TSTD2: variants seen among roughly 807,000 people sequenced by gnomAD.
The protein encoded by TSTD2 is thiosulfate sulfurtransferase/rhodanese-like domain-containing protein 2.
In TSTD2, 37 loss-of-function variants were observed where a neutral mutation model predicts 47.9. The observed-to-expected ratio is 0.77, with a 90% CI of 0.59 to 1.02. The LOEUF (loss-of-function observed/expected upper bound fraction) is 1.02, where lower values mean the gene tolerates loss of function less well. TSTD2 is among the 50% of genes least tolerant of loss of function. The pLI is 0.00. For missense variants in TSTD2, 586 were observed against 616.0 expected (o/e 0.95, Z 0.52); for synonymous variants, 201 against 215.9 (o/e 0.93, Z 0.61).
rs776935255 is a variant in TSTD2, at chr9:97,627,354, T to G, written c.165+44A>C. ...TAACCGACTTCCAAATGTATCTGCG[T>G]TAACCACACATACATGATCATGAAA... is the stretch of plus-strand genomic sequence containing the variant. On this transcript the variant is annotated intron_variant, in intron 2 of 9. Coordinates refer to ENST00000341170, the MANE Select transcript of TSTD2 (RefSeq NM_139246.5). The G allele has an allele frequency of 5.9e-6, 9 of 1,537,630 alleles. No homozygotes were observed. In the South Asian group the frequency reaches 1.1e-4, roughly 19 times the overall value.
intron 7 of TSTD2, 109 bp from the exon 8 acceptor site, chr9:97,605,750 G>C: frequency 7.2e-7 from 1 of 1,383,862 alleles, no homozygotes; most frequent in Non-Finnish European, 9.8e-7. Flanking sequence ...GCCCCTGCCA[G>C]TTGCTAATCT....
chr9:97,629,101 A>C (rs1163560865), intron 1 of TSTD2, among the ~76,000 whole-genome samples: 1 of 152,228 alleles, frequency 6.6e-6, no homozygotes, highest in African/African-American at 2.4e-5. Flanking sequence ...TGAAAATAGT[A>C]ACATGCAAAG....
At position 97,602,769 on chromosome 9, in the gene TSTD2, T is replaced by C. The variant is rs1277191347; in HGVS notation, c.1253-2A>G. On this transcript the variant is annotated splice_acceptor_variant, in intron 9 of 9. Coordinates refer to ENST00000341170, the MANE Select transcript of TSTD2 (RefSeq NM_139246.5). LOFTEE classifies it high-confidence loss of function. The stretch of plus-strand genomic sequence containing the variant: ...AGCGGGCTCCACAGTATGAACACTC[T>C]GGGGAGGAAGGAAAAGCCATCATTA... The C allele has an allele frequency of 1.3e-6, 2 of 1,598,282 alleles. No homozygotes were observed. The highest frequency in any genetic ancestry group is 2.2e-5 in the East Asian group (1 of 44,576).
chr9:97,616,731 G>A (rs186987321), intron 4 of TSTD2, among the ~76,000 whole-genome samples: 1 of 152,200 alleles, frequency 6.6e-6, no homozygotes, highest in East Asian at 1.9e-4. Flanking sequence ...TAACCAGAGG[G>A]GGTTTTGGGG....
chr9:97,606,513 A>G (rs1280257731), intron 6 of TSTD2, among the ~76,000 whole-genome samples: 2 of 152,214 alleles, frequency 1.3e-5, no homozygotes, highest in Non-Finnish European at 2.9e-5. Flanking sequence ...TAGTTTAGAA[A>G]TAACTAGTCA....
At chr9:97,604,960 A>G in intron 8 of TSTD2, 95 bp from the exon 9 acceptor site, 1 of 1,531,230 alleles carries the variant, frequency 6.5e-7, no homozygotes, top group Non-Finnish European at 8.7e-7. Context: ...GTGCTGACGT[A>G]GAGGACTCAT....
intron 3 of TSTD2, among the ~76,000 whole-genome samples, chr9:97,618,770 C>A (rs1224311375): frequency 6.6e-6 from 1 of 152,198 alleles, no homozygotes; most frequent in Non-Finnish European, 1.5e-5. Flanking sequence ...AAGGTCCTAT[C>A]CAGCTCTGGA....
At chr9:97,609,388 G>A (rs920911702) in intron 6 of TSTD2, among the ~76,000 whole-genome samples, 1 of 152,052 alleles carries the variant, frequency 6.6e-6, no homozygotes, top group African/African-American at 2.4e-5. Context: ...TCCAGATTAT[G>A]GGAAACTCTA....
intron 3 of TSTD2, among the ~76,000 whole-genome samples, chr9:97,622,802 GT>G (rs1205376552): frequency 8.5e-5 from 13 of 152,372 alleles, no homozygotes; most frequent in Non-Finnish European, 1.5e-4. Flanking sequence ...CATGGGGCCT[GT>G]GGCCCCTTTG....
intron 2 of TSTD2, 43 bp from the exon 3 acceptor site, chr9:97,626,040 G>C (rs1362144510): frequency 2.0e-6 from 3 of 1,534,158 alleles, no homozygotes; most frequent in Non-Finnish European, 2.6e-6. Flanking sequence ...AATAACCTTA[G>C]GTTTATGGCT....
At position 97,605,648 on chromosome 9, in the gene TSTD2, C is replaced by T; in HGVS notation, c.955-7G>A. ...AGCAGCCTTGGAATCGTCCCTGTAACATAGGAGCAACAAAAGGAAAATTAT... is the reference window on the plus strand; with the variant it reads ...AGCAGCCTTGGAATCGTCCCTGTAATATAGGAGCAACAAAAGGAAAATTAT... On this transcript the variant is annotated splice_polypyrimidine_tract_variant and splice_region_variant and intron_variant, in intron 7 of 9. Transcript: ENST00000341170. 6.2e-7 allele frequency: 1 copy of T among 1,614,108 alleles called. No homozygotes were observed. Among genetic ancestry groups the T allele is most frequent in the Non-Finnish European group, 8.5e-7 (1 of 1,180,012 alleles).
Position 97,611,708 on chromosome 9 carries a change from C to T in TSTD2, c.604-9G>A. On this transcript the variant is annotated splice_polypyrimidine_tract_variant and intron_variant, in intron 4 of 9. Coordinates refer to ENST00000341170, the MANE Select transcript of TSTD2 (RefSeq NM_139246.5). ...TCTGCAGCAATTCGAATCTGAGACA[C>T]AAGACGGTGAAAAAGAGAACAGATT... 6.3e-7 allele frequency: 1 copy of T among 1,596,590 alleles called. No individual in the cohort carries two copies. The highest frequency in any genetic ancestry group is 8.6e-7 in the Non-Finnish European group (1 of 1,165,508).
intron 1 of TSTD2, among the ~76,000 whole-genome samples, chr9:97,629,744 A>G (rs1276934294): frequency 6.6e-6 from 1 of 152,102 alleles, no homozygotes; most frequent in Non-Finnish European, 1.5e-5. Flanking sequence ...GAGAAAGTAC[A>G]TATATCATTT....
rs534871865 is a variant in TSTD2 at position 97,601,664 on chromosome 9, G to C, written c.*805C>G. On this transcript the variant is annotated 3_prime_UTR_variant, in exon 10 of 10. Transcript: ENST00000341170. The stretch of plus-strand genomic sequence containing the variant: ...TTTTGCAGGCCACATAGTGTCTGTT[G>C]CAACTATTCAACTCTGCCATAGATC... 3.6e-5 allele frequency: 28 copies of C among 777,484 alleles called. No individual in the cohort carries two copies. The African/African-American group carries it at 3.9e-4, about 11-fold the overall frequency. The allele number at this position is 777,484 out of a possible 1,614,324, so 48.2% of individuals were successfully genotyped here. A position where few individuals can be genotyped will look rare whatever the true frequency, so the allele number is the denominator to read the frequency against.
intron 1 of TSTD2, among the ~76,000 whole-genome samples, chr9:97,630,185 A>G (rs1367321061): frequency 6.6e-6 from 1 of 152,080 alleles, no homozygotes; most frequent in East Asian, 1.9e-4. Flanking sequence ...CTCTAGCCAC[A>G]CTGGACCATG....
chr9:97,632,529 C>T (rs1826845279), intron 1 of TSTD2, among the ~76,000 whole-genome samples: 1 of 150,128 alleles, frequency 6.7e-6, no homozygotes, highest in Admixed American at 6.7e-5. Flanking sequence ...ACTACAGGCG[C>T]CAAACACTAG....
chr9:97,603,635 A>G (rs909521910), intron 9 of TSTD2, among the ~76,000 whole-genome samples: 7 of 152,218 alleles, frequency 4.6e-5, no homozygotes, highest in African/African-American at 1.7e-4. Flanking sequence ...ACAGAGAGCT[A>G]TGAGTTCCTA....
chr9:97,609,384 T>C (rs573358416), intron 6 of TSTD2, among the ~76,000 whole-genome samples: 1 of 152,174 alleles, frequency 6.6e-6, no homozygotes, highest in African/African-American at 2.4e-5. Flanking sequence ...ATTGTCCAGA[T>C]TATGGGAAAC....
At chr9:97,632,916 G>A (rs996098199) in intron 1 of TSTD2, among the ~76,000 whole-genome samples, 1 of 152,232 alleles carries the variant, frequency 6.6e-6, no homozygotes, top group Admixed American at 6.5e-5. Context: ...CATGGACAAA[G>A]CAGATAAGCC....
Sources: allele counts gnomAD v4.1 joint callset (sites outside exome capture counted in the v4.1 genomes callset), GRCh38; gene constraint gnomAD v4.1.1; transcripts MANE v1.5; gene names NCBI Gene and HGNC (gene_info 2026-07-23, HGNC 2026-07-21).